The following MROH7 variants were observed in gnomAD, a reference collection of about 807,000 sequenced individuals.
MROH7 encodes maestro heat like repeat family member 7, also known as maestro heat-like repeat-containing protein family member 7.
A neutral mutation model predicts 129.2 loss-of-function variants in MROH7; 113 were observed. The ratio of observed to expected loss-of-function variants is 0.87; its 90% CI spans 0.75 to 1.02. The LOEUF (loss-of-function observed/expected upper bound fraction) is 1.02. Among genes scored for constraint, MROH7 ranks in the 50% least tolerant of loss-of-function variants. MROH7 has a pLI of 0.00. For missense variants in MROH7, 1,601 were observed against 1,671.3 expected (o/e 0.96, Z 0.73); for synonymous variants, 655 against 667.9 (o/e 0.98, Z 0.30).
At position 54,699,949 on chromosome 1, in the gene MROH7, C is replaced by G. The variant is rs980102749; in HGVS notation, c.2965-372C>G. ...GGCATCCCAGGAGAAGGGCATTTTG[C>G]CAGCACAGAAGGGGTGGAACAGCCT... On this transcript the variant is annotated intron_variant, in intron 17 of 23. Transcript: ENST00000421030. 1.3e-5 allele frequency: 8 copies of G among 595,558 alleles called. No homozygotes were observed. The African/African-American group carries it at 1.5e-4, about 11-fold the overall frequency. 36.9% of individuals were successfully genotyped at this position (595,558 alleles called of 1,614,324 possible). A position where few individuals can be genotyped will look rare whatever the true frequency, so the allele number is the denominator to read the frequency against.
chr1:54,683,315 C>A (rs528175183), intron 14 of MROH7, among the ~76,000 whole-genome samples: 8 of 152,276 alleles, frequency 5.3e-5, no homozygotes, highest in Admixed American at 3.3e-4. Flanking sequence ...ATAACACATT[C>A]ATTCATTTAG....
chr1:54,670,678 C>G (rs374093497), intron 6 of MROH7, 102 bp downstream of exon 6: 5 of 1,339,856 alleles, frequency 3.7e-6, no homozygotes, highest in Non-Finnish European at 5.1e-6. Flanking sequence ...CCCGCCCCCA[C>G]CCCTCGCCCG....
intron 8 of MROH7, among the ~76,000 whole-genome samples, 176 bp downstream of exon 8, chr1:54,673,362 C>T (rs1184401831): frequency 6.6e-6 from 1 of 151,734 alleles, no homozygotes; most frequent in African/African-American, 2.4e-5. Context: ...TCCTGCCTCT[C>T]CCCACTCTCT....
At chr1:54,642,475 G>C (rs946722408) in intron 1 of MROH7, among the ~76,000 whole-genome samples, 17 of 152,192 alleles carry the variant, frequency 1.1e-4, no homozygotes, top group Admixed American at 1.1e-3. Flanking sequence ...AGAGGGAATG[G>C]GGAATAAGAA....
intron 4 of MROH7, among the ~76,000 whole-genome samples, chr1:54,666,931 T>C (rs1305961): frequency 0.055 from 8,405 of 152,252 alleles, 801 homozygotes; most frequent in African/African-American, 0.19. Flanking sequence ...CAAGGAACTT[T>C]GACTTCATCT....
At chr1:54,643,020 A>G (rs956023176) in intron 1 of MROH7, among the ~76,000 whole-genome samples, 1 of 151,794 alleles carries the variant, frequency 6.6e-6, no homozygotes, top group African/African-American at 2.4e-5. Context: ...TCCTTCCCTC[A>G]CTCCGTGAAT....
At chr1:54,669,976 T>G (rs1054924467) in intron 5 of MROH7, among the ~76,000 whole-genome samples, 1 of 141,082 alleles carries the variant, frequency 7.1e-6, no homozygotes, top group Non-Finnish European at 1.5e-5. Context: ...TACACTCCAA[T>G]CTGGGTAACA....
intron 11 of MROH7, 76 bp downstream of exon 11, chr1:54,678,930 C>T: frequency 8.3e-7 from 1 of 1,198,912 alleles, no homozygotes; most frequent in Non-Finnish European, 1.2e-6. Context: ...CCAAAGCTTT[C>T]TTCCCTTCTA....
In MROH7 at chr1:54,653,609, T is replaced by C; in HGVS notation, c.683T>C (p.Leu228Pro). ...LNMGSRNTSK[L>P]NLNVAPDSHG... The stretch of plus-strand genomic sequence containing the variant: ...ATGGGCTCAAGAAACACCTCCAAGC[T>C]GAACCTGAATGTAGCTCCAGATTCT... The change falls in exon 3 of 24, where the codon CTG becomes CCG. Residue 228 changes from leucine to proline, a missense_variant. Leu to Pro is a moderately conservative substitution (Grantham distance 98). Transcript: ENST00000421030. The C allele has an allele frequency of 6.2e-7, 1 of 1,614,176 alleles. No homozygotes were observed. Among genetic ancestry groups the C allele is most frequent in the Non-Finnish European group, 8.5e-7 (1 of 1,180,026 alleles).
intron 22 of MROH7, among the ~76,000 whole-genome samples, chr1:54,707,541 G>C (rs2101248711): frequency 6.6e-6 from 1 of 152,310 alleles, no homozygotes. Flanking sequence ...TGCTGGTGCA[G>C]AAGAAAAATG....
intron 14 of MROH7, among the ~76,000 whole-genome samples, chr1:54,684,533 T>C (rs1414825237): frequency 1.3e-5 from 2 of 152,282 alleles, no homozygotes; most frequent in Admixed American, 6.5e-5. Context: ...GGATACAGCC[T>C]GAACTCATTC....
intron 16 of MROH7, 55 bp from the exon 17 acceptor site, chr1:54,695,321 C>G: frequency 1.1e-6 from 1 of 944,978 alleles, no homozygotes; most frequent in Non-Finnish European, 1.7e-6. Context: ...ATCCCCCCCA[C>G]AGGTCCCCCT....
At chr1:54,679,151 C>A (rs1645027716) in intron 11 of MROH7, 112 bp from the exon 12 acceptor site, 1 of 1,081,252 alleles carries the variant, frequency 9.2e-7, no homozygotes, top group Non-Finnish European at 1.4e-6. Flanking sequence ...GCCCTCCCTG[C>A]TGACCTCTGC....
In MROH7 at chr1:54,700,421, C is replaced by A. The variant is rs756900295; in HGVS notation, c.3065C>A (p.Ser1022Tyr). Reference protein sequence around the residue: ...SHHDPIMKVLSIRGLVILARR... With the variant: ...SHHDPIMKVLYIRGLVILARR... ...CACGACCCCATCATGAAGGTGCTGT[C>A]CATTCGAGGCCTGGTCATCCTGGCC... The change falls in exon 18 of 24, where the codon TCC becomes TAC. Residue 1022 changes from serine to tyrosine, a missense_variant. Physicochemically the swap from Ser to Tyr is moderately radical, Grantham distance 144. Coordinates refer to ENST00000421030, the MANE Select transcript of MROH7 (RefSeq NM_001039464.4). The A allele has an allele frequency of 6.2e-7, 1 of 1,610,542 alleles. No individual in the cohort carries two copies. The highest frequency in any genetic ancestry group is 1.7e-5 in the Admixed American group (1 of 59,810).
chr1:54,695,325 TC>T, intron 16 of MROH7, 50 bp from the exon 17 acceptor site: 1 of 981,612 alleles, frequency 1.0e-6, no homozygotes, highest in Non-Finnish European at 1.6e-6. Context: ...CCCCCACAGG[TC>T]CCCCTGGGGC....
chr1:54,705,796 T>C (rs1645523315), intron 21 of MROH7, among the ~76,000 whole-genome samples: 1 of 152,106 alleles, frequency 6.6e-6, no homozygotes, highest in Admixed American at 6.5e-5. Flanking sequence ...CCTAGGAGCT[T>C]AGGCCTTGAT....
intron 19 of MROH7, 43 bp downstream of exon 19, chr1:54,701,365 G>C: frequency 6.7e-7 from 1 of 1,492,720 alleles, no homozygotes; most frequent in Non-Finnish European, 9.0e-7. Flanking sequence ...GATCGAGAAG[G>C]GGGTCTTTTA....
At chr1:54,654,711 C>A (rs1321264502) in intron 3 of MROH7, among the ~76,000 whole-genome samples, 1 of 152,064 alleles carries the variant, frequency 6.6e-6, no homozygotes, top group Non-Finnish European at 1.5e-5. Flanking sequence ...TACTTCTATT[C>A]TGTCCAAATT....
chr1:54,658,531 A>G (rs1644682623), intron 3 of MROH7, among the ~76,000 whole-genome samples: 2 of 152,200 alleles, frequency 1.3e-5, no homozygotes, highest in South Asian at 4.1e-4. Flanking sequence ...AAATTATAGT[A>G]GCCTTTTAAA....
Sources: gnomAD v4.1 joint callset for allele counts (sites outside exome capture counted in the v4.1 genomes callset) on GRCh38, gnomAD v4.1.1 for gene constraint, MANE v1.5 for transcripts, NCBI Gene and HGNC (gene_info 2026-07-23, HGNC 2026-07-21) for gene names.